The following MAOB variants were observed in gnomAD, a reference collection of about 807,000 sequenced individuals.
MAOB encodes amine oxidase [flavin-containing] B.
In MAOB, 15 loss-of-function variants were observed where a neutral mutation model predicts 41.9. The ratio of observed to expected loss-of-function variants is 0.36; its 90% CI spans 0.24 to 0.55. The LOEUF (loss-of-function observed/expected upper bound fraction) is 0.55. Among genes scored for constraint, MAOB ranks in the 20% least tolerant of loss-of-function variants. The pLI, the probability that MAOB is intolerant of heterozygous loss-of-function variation, is 0.86. For missense variants in MAOB, 345 were observed against 398.7 expected, an observed-to-expected ratio of 0.87 and a Z score of 1.15; for synonymous variants, 167 against 144.2, an observed-to-expected ratio of 1.16 and a Z score of -1.13.
intron 3 of MAOB, among the ~76,000 whole-genome samples, chrX:43,826,128 T>G (rs1239666877): frequency 2.7e-5 from 3 of 112,363 alleles, no homozygotes; most frequent in Non-Finnish European, 5.6e-5. Context: ...TATGTTTTGT[T>G]TGCTTCTGTA....
At chrX:43,825,680 C>A (rs897849319) in intron 3 of MAOB, among the ~76,000 whole-genome samples, 1 of 112,022 alleles carries the variant, frequency 8.9e-6, no homozygotes, top group African/African-American at 3.2e-5. Flanking sequence ...AAAGTTCAAA[C>A]CCTTACTAAA....
chrX:43,799,320 G>T (rs1005497529), intron 5 of MAOB, among the ~76,000 whole-genome samples: 2 of 112,119 alleles, frequency 1.8e-5, no homozygotes, highest in African/African-American at 6.5e-5. Flanking sequence ...ATATCCAGAC[G>T]TCAATTTAAA....
At chrX:43,777,690 A>G (rs181283953) in intron 11 of MAOB, among the ~76,000 whole-genome samples, 1 of 112,142 alleles carries the variant, frequency 8.9e-6, no homozygotes, top group East Asian at 2.8e-4. Flanking sequence ...AGATTGTGGT[A>G]TATACTACAG....
chrX:43,806,224 C>T (rs1302554461), intron 3 of MAOB, among the ~76,000 whole-genome samples: 2 of 111,659 alleles, frequency 1.8e-5, no homozygotes, highest in Non-Finnish European at 3.8e-5. Flanking sequence ...TATCCACTAA[C>T]CATCCTTTTT....
chrX:43,854,157 G>A (rs1047940772), intron 1 of MAOB, among the ~76,000 whole-genome samples: 4 of 111,844 alleles, frequency 3.6e-5, no homozygotes, highest in African/African-American at 9.8e-5. Context: ...GCACTATTTC[G>A]AGTGACCTGT....
At chrX:43,803,951 G>T (rs2034630059) in intron 3 of MAOB, among the ~76,000 whole-genome samples, 1 of 111,515 alleles carries the variant, frequency 9.0e-6, no homozygotes. Context: ...AAAGCAGAAA[G>T]ATTAGACAAC....
chrX:43,838,571 G>A (rs1448535892), intron 3 of MAOB, among the ~76,000 whole-genome samples: 1 of 112,025 alleles, frequency 8.9e-6, no homozygotes, highest in East Asian at 2.8e-4. Flanking sequence ...AGACTTCCCG[G>A]TATTTAAATA....
At chrX:43,837,234 G>T (rs1359612660) in intron 3 of MAOB, among the ~76,000 whole-genome samples, 1 of 112,439 alleles carries the variant, frequency 8.9e-6, no homozygotes, top group Non-Finnish European at 1.9e-5. Flanking sequence ...ACCCAACAAA[G>T]GGTGTTAAGA....
At chrX:43,844,046 A>G in intron 1 of MAOB, 2 of 500,580 alleles carry the variant, frequency 4.0e-6, no homozygotes, top group South Asian at 8.7e-5. Flanking sequence ...ATGTCTGATA[A>G]CATAAATGAG....
At chrX:43,788,299 A>T (rs1325240551) in intron 8 of MAOB, among the ~76,000 whole-genome samples, 1 of 111,567 alleles carries the variant, frequency 9.0e-6, no homozygotes, top group African/African-American at 3.3e-5. Flanking sequence ...GGATCTGTCC[A>T]CATGACCCAA....
chrX:43,862,649 G>A (rs1305988890), intron 1 of MAOB, among the ~76,000 whole-genome samples: 1 of 112,080 alleles, frequency 8.9e-6, no homozygotes, highest in Admixed American at 9.5e-5. Flanking sequence ...ACACCTGGGT[G>A]TGAAATCTGT....
intron 12 of MAOB, among the ~76,000 whole-genome samples, chrX:43,770,189 G>A (rs1423768249): frequency 9.0e-6 from 1 of 111,316 alleles, no homozygotes; most frequent in Non-Finnish European, 1.9e-5. Context: ...TCCAATAGCA[G>A]TTGCATCCAG....
intron 1 of MAOB, chrX:43,850,285 A>G: frequency 1.5e-6 from 1 of 686,549 alleles, no homozygotes; most frequent in Non-Finnish European, 1.7e-6. Flanking sequence ...TTAAAATCAG[A>G]ATTTTTAAAT....
chrX:43,832,030 A>G (rs2035025002), intron 3 of MAOB, among the ~76,000 whole-genome samples: 2 of 111,864 alleles, frequency 1.8e-5, no homozygotes, highest in Non-Finnish European at 3.8e-5. Flanking sequence ...TATGTTCAAC[A>G]CCAGTTTCAC....
chrX:43,776,519 C>T (rs182278192), intron 11 of MAOB, among the ~76,000 whole-genome samples: 1 of 111,658 alleles, frequency 9.0e-6, no homozygotes, highest in African/African-American at 3.3e-5. Flanking sequence ...CTTCACAAAG[C>T]TTGAATATCT....
chrX:43,875,942 A>G (rs1294681797), intron 1 of MAOB, among the ~76,000 whole-genome samples: 1 of 110,860 alleles, frequency 9.0e-6, no homozygotes, highest in African/African-American at 3.3e-5. Flanking sequence ...AGAATTAATA[A>G]CCACATTTAT....
At chrX:43,819,913 G>A (rs2034861659) in intron 3 of MAOB, among the ~76,000 whole-genome samples, 1 of 111,820 alleles carries the variant, frequency 8.9e-6, no homozygotes, top group African/African-American at 3.3e-5. Flanking sequence ...TCTAACTAAG[G>A]CCCTCAAGAC....
Position 43,845,320 on chromosome X carries a change from C to T in MAOB, c.47-1556G>A, listed in dbSNP as rs372712223. Among the ~76,000 whole-genome samples, 4 of 111,945 alleles carry T rather than the reference C, an allele frequency of 3.6e-5. No homozygotes were observed. The East Asian group carries it at 1.1e-3, about 31-fold the overall frequency. ...CTCATGCCTTACAACGTAAATAAAA[C>T]CGCTTCTATCTTGTCTTTCAAAAAT... is the stretch of plus-strand genomic sequence containing the variant. On this transcript the variant is annotated intron_variant, in intron 1 of 14. Coordinates refer to ENST00000378069, the MANE Select transcript of MAOB (RefSeq NM_000898.5).
At chrX:43,835,962 A>G (rs769046958) in intron 3 of MAOB, among the ~76,000 whole-genome samples, 1 of 112,228 alleles carries the variant, frequency 8.9e-6, no homozygotes, top group African/African-American at 3.2e-5. Flanking sequence ...AGATTCTTTG[A>G]TAGCAGGATC....
Sources: gnomAD v4.1 joint callset for allele counts (sites outside exome capture counted in the v4.1 genomes callset) on GRCh38, gnomAD v4.1.1 for gene constraint, MANE v1.5 for transcripts, NCBI Gene and HGNC (gene_info 2026-07-23, HGNC 2026-07-21) for gene names.